The following MAST4 variants were observed in gnomAD, a reference collection of about 807,000 sequenced individuals.
MAST4 encodes microtubule-associated serine/threonine-protein kinase 4.
Under a neutral mutation model 162.7 loss-of-function variants are expected in MAST4, and 89 were observed. The observed-to-expected ratio is 0.55, with a 90% CI of 0.46 to 0.65. The LOEUF is 0.65. MAST4 is among the 30% of genes least tolerant of loss of function. The pLI, the probability that MAST4 is intolerant of heterozygous loss-of-function variation, is 0.00. For missense variants in MAST4, 3,153 were observed against 3,374.0 expected (o/e 0.93, Z 1.62); for synonymous variants, 1,479 against 1,361.1 (o/e 1.09, Z -1.91).
intron 4 of MAST4, among the ~76,000 whole-genome samples, chr5:66,981,085 T>A (rs979252413): frequency 8.5e-5 from 13 of 152,192 alleles, no homozygotes; most frequent in African/African-American, 3.1e-4. Flanking sequence ...CGTTTGGGCA[T>A]AGAAATTTTA....
At chr5:66,620,185 G>T (rs1287332634) in intron 1 of MAST4, among the ~76,000 whole-genome samples, 2 of 151,536 alleles carry the variant, frequency 1.3e-5, no homozygotes, top group African/African-American at 4.8e-5. Context: ...ATGAAACCCT[G>T]GTATAGTAGA....
At chr5:66,845,731 C>G (rs1295773109) in intron 3 of MAST4, among the ~76,000 whole-genome samples, 2 of 152,132 alleles carry the variant, frequency 1.3e-5, no homozygotes, top group African/African-American at 4.8e-5. Flanking sequence ...TTGCTACCAA[C>G]CGTGTAAAAG....
intron 2 of MAST4, among the ~76,000 whole-genome samples, chr5:66,763,045 G>A (rs942232561): frequency 1.3e-5 from 2 of 152,206 alleles, no homozygotes; most frequent in Non-Finnish European, 2.9e-5. Flanking sequence ...CTATGAGGGA[G>A]ACACTGTTAG....
At chr5:67,032,369 A>G (rs1755447830) in intron 4 of MAST4, among the ~76,000 whole-genome samples, 1 of 152,066 alleles carries the variant, frequency 6.6e-6, no homozygotes, top group Non-Finnish European at 1.5e-5. Context: ...TGCAAAATTT[A>G]TCTTTTCTCA....
chr5:67,144,533 G>A (rs1770823739), intron 21 of MAST4, 136 bp from the exon 22 acceptor site: 2 of 854,288 alleles, frequency 2.3e-6, no homozygotes, highest in Admixed American at 2.6e-5. Flanking sequence ...TAACAACACT[G>A]GAAAGTACTT....
chr5:66,767,800 C>G (rs1042234916), intron 2 of MAST4, among the ~76,000 whole-genome samples: 1 of 152,098 alleles, frequency 6.6e-6, no homozygotes, highest in Non-Finnish European at 1.5e-5. Flanking sequence ...AAGATGTAGG[C>G]TGGGAAGCTA....
At chr5:66,870,602 G>A (rs1338467636) in intron 3 of MAST4, among the ~76,000 whole-genome samples, 2 of 75,056 alleles carry the variant, frequency 2.7e-5, no homozygotes, top group Non-Finnish European at 5.6e-5. Context: ...CACATCACAT[G>A]TGCTTTTGTG....
At chr5:67,134,719 A>G (rs1365838477) in intron 18 of MAST4, 31 bp downstream of exon 18, 2 of 1,563,736 alleles carry the variant, frequency 1.3e-6, no homozygotes, top group Admixed American at 1.8e-5. Context: ...TCTTTAGGTC[A>G]CTGTTGGGAA....
intron 1 of MAST4, among the ~76,000 whole-genome samples, chr5:66,632,637 T>C (rs1744860663): frequency 6.6e-6 from 1 of 152,226 alleles, no homozygotes; most frequent in Admixed American, 6.5e-5. Flanking sequence ...TTAAGTTATT[T>C]TGATAAAGTG....
At chr5:66,769,348 G>T (rs1754257296) in intron 2 of MAST4, among the ~76,000 whole-genome samples, 2 of 152,182 alleles carry the variant, frequency 1.3e-5, no homozygotes, top group South Asian at 4.1e-4. Context: ...TAGAAGCTGG[G>T]ACTTGGGTGC....
chr5:67,056,079 A>G (rs144857105), intron 5 of MAST4, among the ~76,000 whole-genome samples: 3,954 of 150,328 alleles, frequency 0.026, 80 homozygotes, highest in Admixed American at 0.055. Context: ...ACTGTATTAT[A>G]TTTTATGTAT....
intron 1 of MAST4, among the ~76,000 whole-genome samples, chr5:66,746,731 T>C (rs1183073456): frequency 6.6e-6 from 1 of 152,142 alleles, no homozygotes; most frequent in Non-Finnish European, 1.5e-5. Context: ...TTCAGATAGG[T>C]AAACAACTTC....
intron 19 of MAST4, among the ~76,000 whole-genome samples, chr5:67,141,205 G>C (rs1055338345): frequency 6.6e-6 from 1 of 152,176 alleles, no homozygotes; most frequent in Non-Finnish European, 1.5e-5. Flanking sequence ...GCATTTACTT[G>C]CACCTAGCAG....
intron 1 of MAST4, among the ~76,000 whole-genome samples, chr5:66,687,205 C>T (rs764272278): frequency 2.0e-4 from 31 of 152,086 alleles, no homozygotes; most frequent in South Asian, 4.1e-4. Context: ...GTACCCAATA[C>T]GTAGTTTTTA....
At chr5:66,997,806 A>G (rs574207635) in intron 4 of MAST4, among the ~76,000 whole-genome samples, 4 of 152,316 alleles carry the variant, frequency 2.6e-5, no homozygotes, top group East Asian at 3.9e-4. Flanking sequence ...TTATACCCCT[A>G]TGAATTAACG....
intron 1 of MAST4, among the ~76,000 whole-genome samples, chr5:66,622,284 A>G (rs1009724914): frequency 2.0e-5 from 3 of 152,212 alleles, no homozygotes; most frequent in African/African-American, 7.2e-5. Flanking sequence ...GATGGAACAT[A>G]TCTGGAGAAT....
Position 67,031,748 on chromosome 5 carries a change from G to A in MAST4, c.675-22656G>A, listed in dbSNP as rs541783975. ...CTAAATTGTTAGAGTTTCTAAAGAT[G>A]GGGGACTTCTCTGAAGTGAATATTC... On this transcript the variant is annotated intron_variant, in intron 4 of 28. Transcript: ENST00000403625. 6.6e-5 allele frequency among the ~76,000 whole-genome samples: 10 copies of A among 152,254 alleles called. No homozygotes were observed. The East Asian group carries it at 9.7e-4, about 15-fold the overall frequency.
chr5:66,806,114 C>G (rs1756173582), intron 3 of MAST4, among the ~76,000 whole-genome samples: 1 of 152,190 alleles, frequency 6.6e-6, no homozygotes, highest in African/African-American at 2.4e-5. Flanking sequence ...TGAACTATCT[C>G]TACCCTGAGT....
chr5:66,929,947 C>T (rs1355933055), intron 4 of MAST4, among the ~76,000 whole-genome samples: 1 of 152,196 alleles, frequency 6.6e-6, no homozygotes, highest in Admixed American at 6.5e-5. Context: ...TGCTTAATCA[C>T]TTATTTGGCT....
Sources: gnomAD v4.1 joint callset for allele counts (sites outside exome capture counted in the v4.1 genomes callset) on GRCh38, gnomAD v4.1.1 for gene constraint, MANE v1.5 for transcripts, NCBI Gene and HGNC (gene_info 2026-07-23, HGNC 2026-07-21) for gene names.